The following ZNF365 variants were observed in gnomAD, a reference collection of about 807,000 sequenced individuals.
ZNF365 encodes the protein zinc finger protein 365, also known as protein ZNF365.
In ZNF365, 22 loss-of-function variants were observed where a neutral mutation model predicts 35.0. The observed-to-expected ratio is 0.63, with a 90% CI of 0.45 to 0.90. ZNF365 has a LOEUF of 0.90. ZNF365 is among the 40% of genes least tolerant of loss of function. ZNF365 has a pLI of 0.00. For synonymous variants in ZNF365, 188 were observed against 196.2 expected, an observed-to-expected ratio of 0.96 and a Z score of 0.35; for missense variants, 448 against 500.3, an observed-to-expected ratio of 0.90 and a Z score of 1.00.
At chr10:62,412,858 T>C (rs1468548299) in intron 3 of ZNF365, among the ~76,000 whole-genome samples, 1 of 152,166 alleles carries the variant, frequency 6.6e-6, no homozygotes, top group African/African-American at 2.4e-5. Flanking sequence ...AAGTAATTTA[T>C]AGATTCAATG....
At chr10:62,412,662 A>G (rs1171725481) in intron 3 of ZNF365, among the ~76,000 whole-genome samples, 1 of 152,146 alleles carries the variant, frequency 6.6e-6, no homozygotes, top group Non-Finnish European at 1.5e-5. Flanking sequence ...CCAAATCATG[A>G]ATAACTCCCA....
intron 3 of ZNF365, 101 bp from the exon 4 acceptor site, chr10:62,398,639 C>G: frequency 9.1e-7 from 1 of 1,100,926 alleles, no homozygotes; most frequent in Non-Finnish European, 1.3e-6. Flanking sequence ...CACTGACTCC[C>G]TTAATGGGAA....
In ZNF365 at chr10:62,418,861, A is replaced by G. The variant is rs142653522; in HGVS notation, c.924+30285A>G. On this transcript the variant is annotated intron_variant, in intron 3 of 4. Coordinates refer to the ZNF365 transcript ENST00000395255. Reference sequence around the variant, plus strand: ...CTCTTCCTGCATCTGCTGAGTCTCAATTGCCTTTAGCTCAAAATAATCCTT... The same window carrying G: ...CTCTTCCTGCATCTGCTGAGTCTCAGTTGCCTTTAGCTCAAAATAATCCTT... Among the ~76,000 whole-genome samples, 321 of 150,926 alleles carry G rather than the reference A, an allele frequency of 2.1e-3. 3 individuals are homozygous for G. The highest frequency in any genetic ancestry group is 7.4e-3 in the African/African-American group (303 of 41,172).
At chr10:62,452,210 G>GT (rs1840694063) in intron 3 of ZNF365, among the ~76,000 whole-genome samples, 2 of 152,162 alleles carry the variant, frequency 1.3e-5, no homozygotes. Flanking sequence ...GGATTTCAGG[G>GT]TGAAGATGGA....
chr10:62,374,713 CAG>C (rs1215961006), intron 1 of ZNF365, among the ~76,000 whole-genome samples: 1 of 152,218 alleles, frequency 6.6e-6, no homozygotes, highest in Non-Finnish European at 1.5e-5. Context: ...CCTTCTCTGG[CAG>C]AGTCACTTAG....
chr10:62,405,328 G>A (rs1839889151), downstream of ZNF365, among the ~76,000 whole-genome samples: 1 of 152,106 alleles, frequency 6.6e-6, no homozygotes, highest in Admixed American at 6.5e-5. Flanking sequence ...CCTTTCTTAT[G>A]AATATACTTA....
In ZNF365 at chr10:62,401,078, A is replaced by G. The variant is rs567662767; in HGVS notation, c.*1289A>G. On this transcript the variant is annotated 3_prime_UTR_variant, in exon 5 of 5. Coordinates refer to ENST00000395254, the MANE Select transcript of ZNF365 (RefSeq NM_014951.3). Reference sequence around the variant, plus strand: ...TATCATCAGGTCTCTTGCAGAGTTTACAAGTGCTGACATTCTTCTGAAAAC... The same window carrying G: ...TATCATCAGGTCTCTTGCAGAGTTTGCAAGTGCTGACATTCTTCTGAAAAC... The G allele has an allele frequency of 2.0e-4, 197 of 985,520 alleles. No individual in the cohort carries two copies. The African/African-American group carries it at 2.5e-3, about 13-fold the overall frequency. The allele number at this position is 985,520 out of a possible 1,614,324, so 61.0% of individuals were successfully genotyped here.
chr10:62,465,990 G>C (rs1455904923), intron 4 of ZNF365, among the ~76,000 whole-genome samples: 1 of 152,164 alleles, frequency 6.6e-6, no homozygotes, highest in Non-Finnish European at 1.5e-5. Context: ...AGCAGCAGTG[G>C]GGACAGGCCA....
chr10:62,475,709 C>T (rs1841118664), intron 4 of ZNF365, among the ~76,000 whole-genome samples: 1 of 152,184 alleles, frequency 6.6e-6, no homozygotes, highest in African/African-American at 2.4e-5. Flanking sequence ...AGTCACATTT[C>T]CTCCCAGTGA....
intron 3 of ZNF365, among the ~76,000 whole-genome samples, chr10:62,436,131 TTA>T (rs1317917250): frequency 6.6e-6 from 1 of 151,774 alleles, no homozygotes; most frequent in African/African-American, 2.4e-5. Context: ...TGAGTTTCAC[TTA>T]TATATATATA....
chr10:62,399,512 C>A lies in ZNF365; in HGVS notation c.963-16C>A, dbSNP rs759244919. The A allele has an allele frequency of 3.7e-6, 6 of 1,613,182 alleles. No individual in the cohort carries two copies. The highest frequency in any genetic ancestry group is 5.1e-6 in the Non-Finnish European group (6 of 1,179,326). On this transcript the variant is annotated splice_polypyrimidine_tract_variant and intron_variant, in intron 4 of 4. Coordinates refer to ENST00000395254, the MANE Select transcript of ZNF365 (RefSeq NM_014951.3). ...CTGCTCATCTCTTCTCCACTCCCCC[C>A]TCCAACCCTCTGTAGAAGCCGAGGG... is the stretch of plus-strand genomic sequence containing the variant.
chr10:62,425,190 AAGTTTTC>A (rs1182912527), intron 3 of ZNF365, among the ~76,000 whole-genome samples: 1 of 152,176 alleles, frequency 6.6e-6, no homozygotes, highest in Non-Finnish European at 1.5e-5. Flanking sequence ...GAAAAAAATA[AAGTTTTC>A]TTCATTCATG....
chr10:62,415,787 A>C (rs767112840), intron 3 of ZNF365, among the ~76,000 whole-genome samples: 2 of 152,130 alleles, frequency 1.3e-5, no homozygotes, highest in African/African-American at 2.4e-5. Flanking sequence ...GCTGGTATTT[A>C]GTTTTAACAG....
chr10:62,406,219 A>C (rs1020063056), downstream of ZNF365, among the ~76,000 whole-genome samples: 3 of 151,950 alleles, frequency 2.0e-5, no homozygotes, highest in African/African-American at 7.3e-5. Context: ...CTCTCCATGC[A>C]CTGCTTCCCT....
At chr10:62,478,112 A>G (rs963873826) in intron 4 of ZNF365, among the ~76,000 whole-genome samples, 9 of 152,242 alleles carry the variant, frequency 5.9e-5, no homozygotes, top group African/African-American at 2.2e-4. Context: ...CAGTATCTTC[A>G]GGTGATAGGA....
chr10:62,395,504 A>ATTTTT (rs67866839), intron 3 of ZNF365, among the ~76,000 whole-genome samples: 26 of 98,446 alleles, frequency 2.6e-4, no homozygotes, highest in South Asian at 7.4e-4. Context: ...CACCCGGCTA[A>ATTTTT]TTTTTTTTTT....
intron 4 of ZNF365, among the ~76,000 whole-genome samples, chr10:62,476,568 G>T (rs1168248733): frequency 6.6e-6 from 1 of 152,160 alleles, no homozygotes; most frequent in African/African-American, 2.4e-5. Flanking sequence ...GGAAAAGATT[G>T]TTCTGCCACC....
At chr10:62,375,100 C>A (rs1305960913) in intron 1 of ZNF365, among the ~76,000 whole-genome samples, 1 of 152,180 alleles carries the variant, frequency 6.6e-6, no homozygotes, top group East Asian at 1.9e-4. Context: ...TGGGCTCCCT[C>A]ATTTCGGGTC....
chr10:62,376,683 A>G lies in ZNF365; in HGVS notation c.490A>G (p.Lys164Glu), dbSNP rs559586428. Residue 164 changes from lysine (K) to glutamate (E), a missense_variant, in exon 2 of 5, where the codon AAA becomes GAA. By Grantham distance (56) the Lys-to-Glu change is moderately conservative. Transcript: ENST00000395254. ...TTCTTTCGAGGCACATGTCAGAGAA[A>G]AATTCAATCGAATGGTTGAGGCTGT... ...KASFEAHVRE[K>E]FNRMVEAVDR... The G allele has an allele frequency of 5.0e-6, 8 of 1,614,198 alleles. No individual in the cohort carries two copies. Among genetic ancestry groups the G allele is most frequent in the Admixed American group, 3.3e-5 (2 of 60,030 alleles).
Sources: allele counts gnomAD v4.1 joint callset (sites outside exome capture counted in the v4.1 genomes callset), GRCh38; gene constraint gnomAD v4.1.1; transcripts MANE v1.5; gene names NCBI Gene and HGNC (gene_info 2026-07-23, HGNC 2026-07-21).